Variants in PPP1R3B observed in about 807,000 individuals in gnomAD.
The protein encoded by PPP1R3B is protein phosphatase 1 regulatory subunit 3B.
In PPP1R3B, 8 loss-of-function variants were observed where a neutral mutation model predicts 14.6. The observed-to-expected ratio is 0.55, with a 90% CI of 0.32 to 0.99. The LOEUF (loss-of-function observed/expected upper bound fraction) is 0.99. PPP1R3B is among the 50% of genes least tolerant of loss of function. The pLI is 0.04. For missense variants in PPP1R3B, 452 were observed against 360.1 expected (o/e 1.26, Z -2.07); for synonymous variants, 169 against 142.0 (o/e 1.19, Z -1.35).
In PPP1R3B at chr8:9,141,096, C is replaced by T. The variant is rs140471280; in HGVS notation, c.556G>A (p.Gly186Ser). The change falls in exon 2 of 2, where the codon GGT becomes AGT. Residue 186 changes from glycine (G) to serine (S), a missense_variant. Coordinates refer to ENST00000310455, the MANE Select transcript of PPP1R3B (RefSeq NM_024607.4). ...PCQYVKDTYA[G>S]SDRDTFSFDI... ...AAGGAGAACGTGTCCCTGTCTGAAC[C>T]GGCATAAGTGTCCTTCACGTACTGA... 2.0e-3 allele frequency: 3,198 copies of T among 1,614,146 alleles called. 68 individuals carry two copies. In the South Asian group the frequency reaches 0.03, roughly 15 times the overall value.
chr8:9,142,974 T>C (rs1399184293), intron 1 of PPP1R3B, among the ~76,000 whole-genome samples: 2 of 152,116 alleles, frequency 1.3e-5, no homozygotes, highest in African/African-American at 4.8e-5. Context: ...AACATAAGAG[T>C]ACAGATAACT....
intron 1 of PPP1R3B, among the ~76,000 whole-genome samples, chr8:9,142,752 G>A (rs1302045353): frequency 1.3e-5 from 2 of 152,116 alleles, no homozygotes; most frequent in Non-Finnish European, 2.9e-5. Context: ...ACATATAAGT[G>A]AGATCATGCT....
chr8:9,146,366 A>C (rs949475611), intron 1 of PPP1R3B, among the ~76,000 whole-genome samples: 7 of 152,162 alleles, frequency 4.6e-5, no homozygotes, highest in African/African-American at 1.7e-4. Context: ...GCTCACTCTC[A>C]AGCAGCCATG....
In PPP1R3B at chr8:9,137,923, C is replaced by T. The variant is rs1585334814; in HGVS notation, c.*2871G>A. On this transcript the variant is annotated 3_prime_UTR_variant, in exon 2 of 2. Transcript: ENST00000310455. The stretch of plus-strand genomic sequence containing the variant: ...GGGTAGTGGGGAGGGTTTACGGCTG[C>T]TTTAGAAGAGATAGTTATCACTGAA... 1 of 152,072 alleles carries T rather than the reference C, an allele frequency of 6.6e-6. No homozygotes were observed. Among genetic ancestry groups the T allele is most frequent in the Non-Finnish European group, 1.5e-5 (1 of 68,024 alleles). 9.4% of individuals were successfully genotyped at this position (152,072 alleles called of 1,614,324 possible).
chr8:9,145,104 A>C (rs1256791275), intron 1 of PPP1R3B: 1 of 151,804 alleles, frequency 6.6e-6, no homozygotes, highest in Non-Finnish European at 1.5e-5. Flanking sequence ...GATTCAAATG[A>C]AATGAAAAAA....
In PPP1R3B at chr8:9,140,530, A is replaced by G. The variant is rs1563124303; in HGVS notation, c.*264T>C. ...GATTCCCATCCATACCCTTTCCAGCACAGACGTGCACAGACTCTCGTGGCT... is the reference window on the plus strand; with the variant it reads ...GATTCCCATCCATACCCTTTCCAGCGCAGACGTGCACAGACTCTCGTGGCT... On this transcript the variant is annotated 3_prime_UTR_variant, in exon 2 of 2. Coordinates refer to ENST00000310455, the MANE Select transcript of PPP1R3B (RefSeq NM_024607.4). 1 of 516,634 alleles carries G rather than the reference A, an allele frequency of 1.9e-6. No homozygotes were observed. The highest frequency in any genetic ancestry group is 3.3e-5 in the East Asian group (1 of 30,468). 32.0% of individuals were successfully genotyped at this position (516,634 alleles called of 1,614,324 possible).
chr8:9,151,096 CG>C (rs1231277280), upstream of PPP1R3B, among the ~76,000 whole-genome samples: 4 of 152,178 alleles, frequency 2.6e-5, no homozygotes, highest in Non-Finnish European at 5.9e-5. Flanking sequence ...CGGTCGCAGC[CG>C]GGCCCAGCAG....
In PPP1R3B at chr8:9,140,878, C is replaced by G; in HGVS notation, c.774G>C (p.Gln258His). The G allele has an allele frequency of 6.2e-7, 1 of 1,614,182 alleles. No individual in the cohort carries two copies. The highest frequency in any genetic ancestry group is 1.1e-5 in the South Asian group (1 of 91,080). The change falls in exon 2 of 2, where the codon CAG becomes CAC. Residue 258 changes from glutamine (Q) to histidine (H), a missense_variant. By Grantham distance (24) the Gln-to-His change is conservative. Coordinates refer to ENST00000310455, the MANE Select transcript of PPP1R3B (RefSeq NM_024607.4). ...SGPDLGISFD[Q>H]FGSPRCSYGL... ...CATAGGAACACCGAGGGCTTCCGAA[C>G]TGGTCAAAGGATATTCCCAAATCCG...
upstream of PPP1R3B, chr8:9,151,309 G>A (rs906726966): frequency 6.5e-6 from 1 of 153,790 alleles, no homozygotes; most frequent in East Asian, 1.9e-4. Flanking sequence ...GTTGTCCCCA[G>A]CCCTTCCCTC....
intron 1 of PPP1R3B, among the ~76,000 whole-genome samples, chr8:9,149,584 G>A (rs563653671): frequency 6.6e-6 from 1 of 152,316 alleles, no homozygotes; most frequent in African/African-American, 2.4e-5. Flanking sequence ...CTGCCGAACT[G>A]CATTCAGTAA....
In PPP1R3B at chr8:9,136,924, A is replaced by G. The variant is rs116177458; in HGVS notation, c.*3870T>C. 4.6e-3 allele frequency: 702 copies of G among 152,344 alleles called. 6 individuals are homozygous for G. Among genetic ancestry groups the G allele is most frequent in the African/African-American group, 0.016 (684 of 41,574 alleles). The allele number at this position is 152,344 out of a possible 1,614,324, so 9.4% of individuals were successfully genotyped here. A position where few individuals can be genotyped will look rare whatever the true frequency, so the allele number is the denominator to read the frequency against. On this transcript the variant is annotated 3_prime_UTR_variant, in exon 2 of 2. Transcript: ENST00000310455. Reference sequence around the variant, plus strand: ...GAACACTTTTTTGATTGATAAGCATATATGGCCCATTTAATGTCCATGACT... The same window carrying G: ...GAACACTTTTTTGATTGATAAGCATGTATGGCCCATTTAATGTCCATGACT...
chr8:9,148,737 CT>C (rs1227099100), intron 1 of PPP1R3B, among the ~76,000 whole-genome samples: 1 of 152,220 alleles, frequency 6.6e-6, no homozygotes, highest in African/African-American at 2.4e-5. Flanking sequence ...AACTATAGAC[CT>C]GCACAGAAAA....
chr8:9,142,999 C>T (rs1261865947), intron 1 of PPP1R3B, among the ~76,000 whole-genome samples: 2 of 152,178 alleles, frequency 1.3e-5, no homozygotes, highest in Non-Finnish European at 1.5e-5. Context: ...GATACACTGA[C>T]TTCAATTCCT....
Position 9,137,075 on chromosome 8 carries a change from TTAAAGG to T in PPP1R3B, c.*3713_*3718del, listed in dbSNP as rs933279784. ...ATTTTGCCACCATTAAAATGAAATC[TTAAAGG>T]TAAATTAAATTCTCCCATTGACTCT... On this transcript the variant is annotated 3_prime_UTR_variant, in exon 2 of 2. Coordinates refer to ENST00000310455, the MANE Select transcript of PPP1R3B (RefSeq NM_024607.4). 5.3e-4 allele frequency: 80 copies of T among 152,338 alleles called. No homozygotes were observed. The highest frequency in any genetic ancestry group is 1.9e-3 in the African/African-American group (78 of 41,576). The allele number at this position is 152,338 out of a possible 1,614,324, so 9.4% of individuals were successfully genotyped here.
chr8:9,141,439 C>A lies in PPP1R3B; in HGVS notation c.213G>T (p.Leu71=). Residue 71 remains leucine (L), a synonymous_variant, in exon 2 of 2, where the codon CTG becomes CTT. Transcript: ENST00000310455. ...AGAACACTTTGACCATTGTCAGGGCCAGCCCCTGGTTGTCTGCGAAGGACA... is the reference window on the plus strand; with the variant it reads ...AGAACACTTTGACCATTGTCAGGGCAAGCCCCTGGTTGTCTGCGAAGGACA... ...KRVSFADNQG[L]ALTMVKVFSE... 1 of 1,614,188 alleles carries A rather than the reference C, an allele frequency of 6.2e-7. No homozygotes were observed.
intron 1 of PPP1R3B, among the ~76,000 whole-genome samples, chr8:9,144,780 G>A (rs865838332): frequency 2.1e-4 from 32 of 151,830 alleles, no homozygotes; most frequent in African/African-American, 7.5e-4. Flanking sequence ...AGTTTCACTC[G>A]TGTCACCCAG....
intron 1 of PPP1R3B, among the ~76,000 whole-genome samples, chr8:9,143,894 CAA>C (rs1159211993): frequency 1.3e-5 from 2 of 151,512 alleles, no homozygotes; most frequent in Non-Finnish European, 2.9e-5. Context: ...ATAAGTAAAA[CAA>C]AAAAAGACTA....
intron 1 of PPP1R3B, among the ~76,000 whole-genome samples, chr8:9,144,449 C>T (rs1398283570): frequency 1.3e-5 from 2 of 152,148 alleles, no homozygotes; most frequent in Admixed American, 6.5e-5. Flanking sequence ...CCACCTCAGC[C>T]TCCCAAAATG....
At chr8:9,145,276 T>C (rs1801207447) in intron 1 of PPP1R3B, 1 of 152,276 alleles carries the variant, frequency 6.6e-6, no homozygotes, top group Non-Finnish European at 1.5e-5. Flanking sequence ...GATTCTCTTC[T>C]GCCTCTGCCG....
Sources: allele counts gnomAD v4.1 joint callset (sites outside exome capture counted in the v4.1 genomes callset), GRCh38; gene constraint gnomAD v4.1.1; transcripts MANE v1.5; gene names NCBI Gene and HGNC (gene_info 2026-07-23, HGNC 2026-07-21).